Variants in TMEM9 observed in about 807,000 individuals in gnomAD.
TMEM9 encodes transmembrane protein 9.
In TMEM9, 13 loss-of-function variants were observed where a neutral mutation model predicts 22.8. That is an observed-to-expected ratio of 0.57 (90% CI 0.37 to 0.91). TMEM9 has a LOEUF of 0.91. Among genes scored for constraint, TMEM9 ranks in the 40% least tolerant of loss-of-function variants. The probability of loss-of-function intolerance (pLI) is 0.01; values close to 1 mark genes in which losing one functional copy is unlikely to be tolerated. For missense variants in TMEM9, 182 were observed against 238.1 expected (o/e 0.76, Z 1.55); for synonymous variants, 88 against 93.0 (o/e 0.95, Z 0.31).
At chr1:201,165,150 T>TATATATATATATATATATATATA (rs1666040151) in intron 1 of TMEM9, among the ~76,000 whole-genome samples, 2 of 87,074 alleles carry the variant, frequency 2.3e-5, no homozygotes, top group African/African-American at 3.5e-5. Context: ...TAAGAGAAAA[T>TATATATATATATATATATATATA]TATATATATA....
At chr1:201,141,518 G>C (rs1664528146) in intron 4 of TMEM9, among the ~76,000 whole-genome samples, 1 of 152,184 alleles carries the variant, frequency 6.6e-6, no homozygotes, top group Non-Finnish European at 1.5e-5. Flanking sequence ...CAACCAGCGA[G>C]AGTTGGCTGC....
chr1:201,148,853 G>C (rs924241608), intron 2 of TMEM9, among the ~76,000 whole-genome samples: 1 of 152,200 alleles, frequency 6.6e-6, no homozygotes, highest in East Asian at 1.9e-4. Flanking sequence ...TGTTGTAACC[G>C]GAAGTACTGC....
chr1:201,153,815 G>T (rs777447882), intron 1 of TMEM9, 43 bp downstream of exon 1: 1 of 1,612,256 alleles, frequency 6.2e-7, no homozygotes. Context: ...GGGTGGCCGT[G>T]CACTGTGGTC....
At chr1:201,166,784 T>C (rs1666089063) in intron 1 of TMEM9, among the ~76,000 whole-genome samples, 1 of 152,208 alleles carries the variant, frequency 6.6e-6, no homozygotes, top group Non-Finnish European at 1.5e-5. Flanking sequence ...AGATCTACCA[T>C]AAAGTATATA....
chr1:201,149,334 G>C (rs978249816), intron 2 of TMEM9, among the ~76,000 whole-genome samples: 3 of 152,130 alleles, frequency 2.0e-5, no homozygotes, highest in African/African-American at 7.2e-5. Flanking sequence ...GTCAGGGAGG[G>C]GCTGAGGGAC....
chr1:201,137,245 T>C (rs2365288), intron 4 of TMEM9, among the ~76,000 whole-genome samples: 147,115 of 152,290 alleles, frequency 0.97, 71,088 homozygotes, highest in African/African-American at 0.99. Context: ...GGGCTGGGGA[T>C]CACCTGCCCC....
chr1:201,154,262 C>A lies in TMEM9; in HGVS notation c.-339G>T, dbSNP rs1019714502. 2 of 226,342 alleles carry A rather than the reference C, an allele frequency of 8.8e-6. No homozygotes were observed. The highest frequency in any genetic ancestry group is 1.8e-5 in the Non-Finnish European group (2 of 112,982). The allele number at this position is 226,342 out of a possible 1,614,324, so 14.0% of individuals were successfully genotyped here. The stretch of plus-strand genomic sequence containing the variant: ...ACGTCCCACCGCCCTCCGCCATCTC[C>A]GCCTCTGCCCGCCCCGCAGCTCCTC... On this transcript the variant is annotated 5_prime_UTR_variant, in exon 1 of 5. Coordinates refer to ENST00000367330, the MANE Select transcript of TMEM9 (RefSeq NM_001288565.2).
chr1:201,161,442 T>C (rs564801920), intron 1 of TMEM9, among the ~76,000 whole-genome samples: 2 of 152,334 alleles, frequency 1.3e-5, no homozygotes, highest in South Asian at 4.1e-4. Flanking sequence ...TACTCTGAAG[T>C]GTTTCTGATA....
intron 1 of TMEM9, among the ~76,000 whole-genome samples, chr1:201,169,416 T>C (rs1293245209): frequency 2.6e-5 from 4 of 152,236 alleles, no homozygotes; most frequent in Non-Finnish European, 4.4e-5. Context: ...ATCCACCCAC[T>C]CTGCACCAGT....
At chr1:201,169,840 C>T (rs1414810810) in intron 1 of TMEM9, among the ~76,000 whole-genome samples, 1 of 152,130 alleles carries the variant, frequency 6.6e-6, no homozygotes, top group African/African-American at 2.4e-5. Context: ...GGTCACTGAA[C>T]TTCTTGGAAC....
At chr1:201,161,310 G>A (rs1376875568) in intron 1 of TMEM9, among the ~76,000 whole-genome samples, 3 of 152,134 alleles carry the variant, frequency 2.0e-5, no homozygotes, top group African/African-American at 7.2e-5. Context: ...TAACATCTTA[G>A]TATTTCTAGG....
chr1:201,149,120 A>C (rs1186443874), intron 2 of TMEM9, among the ~76,000 whole-genome samples: 2 of 152,184 alleles, frequency 1.3e-5, no homozygotes, highest in African/African-American at 2.4e-5. Flanking sequence ...TGAGTTCTTC[A>C]ATGTGGGATC....
chr1:201,143,791 C>T, intron 4 of TMEM9, 29 bp downstream of exon 4: 1 of 1,612,094 alleles, frequency 6.2e-7, no homozygotes, highest in Non-Finnish European at 8.5e-7. Flanking sequence ...TGCAGGGACC[C>T]AGGGCCTGGG....
chr1:201,144,004 A>G, intron 3 of TMEM9, 53 bp from the exon 4 acceptor site: 2 of 1,601,230 alleles, frequency 1.2e-6, no homozygotes, highest in East Asian at 2.2e-5. Context: ...CAGGGCTAGA[A>G]ATCCGTTGCT....
chr1:201,146,096 G>T (rs541195149), intron 3 of TMEM9, among the ~76,000 whole-genome samples: 175 of 152,334 alleles, frequency 1.1e-3, no homozygotes, highest in Non-Finnish European at 1.6e-3. Flanking sequence ...TCTCTGCTAG[G>T]GCGGCTTCAC....
chr1:201,156,219 T>C (rs1250023294), upstream of TMEM9, among the ~76,000 whole-genome samples: 2 of 152,198 alleles, frequency 1.3e-5, no homozygotes, highest in African/African-American at 4.8e-5. Flanking sequence ...AGGTCCTAGA[T>C]TGTGGCATCA....
At chr1:201,155,136 C>T (rs1488976246), upstream of TMEM9, among the ~76,000 whole-genome samples, 3 of 152,182 alleles carry the variant, frequency 2.0e-5, no homozygotes, top group Non-Finnish European at 4.4e-5. Flanking sequence ...AAAGGGGAGT[C>T]ATATGAATTC....
At chr1:201,152,012 AC>A (rs1665463813) in intron 1 of TMEM9, among the ~76,000 whole-genome samples, 160 bp from the exon 2 acceptor site, 1 of 152,200 alleles carries the variant, frequency 6.6e-6, no homozygotes, top group Admixed American at 6.5e-5. Context: ...TCCAGCAAGG[AC>A]TGCCACTGTA....
At chr1:201,144,058 G>T in intron 3 of TMEM9, 107 bp from the exon 4 acceptor site, 2 of 1,308,422 alleles carry the variant, frequency 1.5e-6, no homozygotes, top group Admixed American at 2.0e-5. Flanking sequence ...CTCCTCAAGT[G>T]GTGCACTAAG....
Sources: gnomAD v4.1 joint callset for allele counts (sites outside exome capture counted in the v4.1 genomes callset) on GRCh38, gnomAD v4.1.1 for gene constraint, MANE v1.5 for transcripts, NCBI Gene and HGNC (gene_info 2026-07-23, HGNC 2026-07-21) for gene names.